Variants in VANGL1 observed in about 807,000 individuals in gnomAD.
VANGL1 encodes the protein vang-like protein 1.
VANGL1 carries 18 observed loss-of-function variants against 48.4 expected under a neutral mutation model. The ratio of observed to expected loss-of-function variants is 0.37; its 90% confidence interval spans 0.26 to 0.55. The LOEUF (loss-of-function observed/expected upper bound fraction) is 0.55. Among genes scored for constraint, VANGL1 ranks in the 20% least tolerant of loss-of-function variants. VANGL1 has a pLI of 0.81. For synonymous variants in VANGL1, 257 were observed against 261.8 expected (o/e 0.98, Z 0.18); for missense variants, 667 against 675.8 (o/e 0.99, Z 0.14).
At position 115,675,067 on chromosome 1, in the gene VANGL1, G is replaced by A. The variant is rs183133593; in HGVS notation, c.813-7297G>A. 3.9e-5 allele frequency among the ~76,000 whole-genome samples: 6 copies of A among 152,274 alleles called. No individual in the cohort carries two copies. In the East Asian group the frequency reaches 1.2e-3, roughly 29 times the overall value. ...GATTGTTTCCTTCAAGTATCTAAAA[G>A]GCTTTCACCAGCAAGGGGGACTTGG... On this transcript the variant is annotated intron_variant, in intron 4 of 7. Transcript: ENST00000355485.
chr1:115,659,901 C>G lies in VANGL1; in HGVS notation c.204+128C>G, dbSNP rs1026731832. On this transcript the variant is annotated intron_variant, in intron 3 of 7. Transcript: ENST00000355485. ...AGCATGCTAATTAGTTTATCTATGT[C>G]CCATGGTCTCTTGTTGGTCTAAGGA... 5.2e-5 allele frequency: 68 copies of G among 1,296,654 alleles called. No individual in the cohort carries two copies. In the South Asian group the frequency reaches 8.5e-4, roughly 16 times the overall value. The allele number at this position is 1,296,654 out of a possible 1,614,324, so 80.3% of individuals were successfully genotyped here. A position where few individuals can be genotyped will look rare whatever the true frequency, so the allele number is the denominator to read the frequency against.
chr1:115,686,474 G>A (rs529889164), intron 7 of VANGL1, among the ~76,000 whole-genome samples: 1 of 151,802 alleles, frequency 6.6e-6, no homozygotes, highest in South Asian at 2.1e-4. Flanking sequence ...TTTAAGAAGT[G>A]TTACAAGAAA....
At chr1:115,686,543 C>T (rs1206036257) in intron 7 of VANGL1, among the ~76,000 whole-genome samples, 2 of 152,052 alleles carry the variant, frequency 1.3e-5, no homozygotes, top group Non-Finnish European at 1.5e-5. Flanking sequence ...AAAGATACAG[C>T]AAATGACTTC....
rs1468225581 is a variant in VANGL1, at chr1:115,692,117, G to C, written c.*738G>C. The C allele has an allele frequency of 1.3e-5, 2 of 153,472 alleles. No homozygotes were observed. Among genetic ancestry groups the C allele is most frequent in the Non-Finnish European group, 2.9e-5 (2 of 68,766 alleles). 9.5% of individuals were successfully genotyped at this position (153,472 alleles called of 1,614,324 possible). On this transcript the variant is annotated 3_prime_UTR_variant, in exon 8 of 8. Coordinates refer to ENST00000355485, the MANE Select transcript of VANGL1 (RefSeq NM_138959.3). Reference sequence around the variant, plus strand: ...TGCCCCCACCTGGCTGGCAGCCCTGGCTCTCCATGTGTGCCCTCCGGCTCT... The same window carrying C: ...TGCCCCCACCTGGCTGGCAGCCCTGCCTCTCCATGTGTGCCCTCCGGCTCT...
rs1253428292 is a variant in VANGL1 at position 115,657,290 on chromosome 1, A to G, written c.72-2351A>G. Among the ~76,000 whole-genome samples, 3 of 152,280 alleles carry G rather than the reference A, an allele frequency of 2.0e-5. No individual in the cohort carries two copies. The East Asian group carries it at 5.8e-4, about 29-fold the overall frequency. On this transcript the variant is annotated intron_variant, in intron 2 of 7. Coordinates refer to ENST00000355485, the MANE Select transcript of VANGL1 (RefSeq NM_138959.3). ...AAGGGTGTGAGAATGAGCTTTAAGA[A>G]TATTTATGCCATGAAATCTTCCAAT...
At chr1:115,662,611 G>T (rs536389054) in intron 3 of VANGL1, among the ~76,000 whole-genome samples, 45 of 152,278 alleles carry the variant, frequency 3.0e-4, no homozygotes, top group African/African-American at 1.1e-3. Context: ...AATCCTGGTT[G>T]TTTCTATGCC....
chr1:115,663,162 C>T (rs1046436459), intron 3 of VANGL1, among the ~76,000 whole-genome samples: 19 of 152,178 alleles, frequency 1.2e-4, no homozygotes, highest in African/African-American at 2.9e-4. Flanking sequence ...TCCCTTGCTA[C>T]GCCCTTTGCT....
At position 115,690,467 on chromosome 1, in the gene VANGL1, A is replaced by T. The variant is rs571373588; in HGVS notation, c.1315-652A>T. Among the ~76,000 whole-genome samples the T allele has an allele frequency of 3.3e-5, 5 of 152,374 alleles. No homozygotes were observed. The East Asian group carries it at 9.6e-4, about 29-fold the overall frequency. On this transcript the variant is annotated intron_variant, in intron 7 of 7. Transcript: ENST00000355485. ...GGCCTGGGCATCCCCTGGACTGGCC[A>T]TGTGCACACTTAGCCCAACATGGAA...
intron 1 of VANGL1, among the ~76,000 whole-genome samples, chr1:115,643,332 G>A (rs1651804791): frequency 6.6e-6 from 1 of 152,188 alleles, no homozygotes; most frequent in Non-Finnish European, 1.5e-5. Context: ...ACAGCTCCCA[G>A]GCTCTGCAAG....
Position 115,651,300 on chromosome 1 carries a change from C to A in VANGL1, c.-114C>A. 1.2e-6 allele frequency: 1 copy of A among 846,114 alleles called. No individual in the cohort carries two copies. The highest frequency in any genetic ancestry group is 1.9e-6 in the Non-Finnish European group (1 of 515,456). 52.4% of individuals were successfully genotyped at this position (846,114 alleles called of 1,614,324 possible). On this transcript the variant is annotated 5_prime_UTR_variant, in exon 2 of 8. Transcript: ENST00000355485. ...AGAATTTGTTCCTGTTGAAGAGTGGCTCCTCTTCTAATTTCCAGACTCCTT... is the reference window on the plus strand; with the variant it reads ...AGAATTTGTTCCTGTTGAAGAGTGGATCCTCTTCTAATTTCCAGACTCCTT...
At chr1:115,655,053 C>T (rs569998227) in intron 2 of VANGL1, among the ~76,000 whole-genome samples, 6 of 152,176 alleles carry the variant, frequency 3.9e-5, no homozygotes, top group Admixed American at 3.9e-4. Context: ...AGAGGGCCGC[C>T]GGGGCAGTGA....
intron 2 of VANGL1, among the ~76,000 whole-genome samples, chr1:115,658,097 G>T (rs1652413384): frequency 6.6e-6 from 1 of 152,184 alleles, no homozygotes; most frequent in South Asian, 2.1e-4. Flanking sequence ...TATCTGAACT[G>T]TATCAGCAAT....
chr1:115,674,654 T>C (rs1042970559), intron 4 of VANGL1, among the ~76,000 whole-genome samples: 2 of 152,152 alleles, frequency 1.3e-5, no homozygotes, highest in Non-Finnish European at 1.5e-5. Context: ...ATTTTCCACG[T>C]GTGAAGAAAG....
chr1:115,659,505 C>G (rs984923234), intron 2 of VANGL1, 136 bp from the exon 3 acceptor site: 48 of 958,952 alleles, frequency 5.0e-5, no homozygotes, highest in Middle Eastern at 6.5e-4. Flanking sequence ...TTTTGATGCT[C>G]TGTGTGTGTG....
intron 4 of VANGL1, among the ~76,000 whole-genome samples, chr1:115,675,329 C>T (rs184201576): frequency 5.9e-5 from 9 of 152,158 alleles, no homozygotes; most frequent in Non-Finnish European, 1.3e-4. Context: ...GGTGAAACCC[C>T]GTCTCTACTA....
chr1:115,642,205 C>A (rs1460333817), intron 1 of VANGL1, 119 bp downstream of exon 1: 1 of 152,156 alleles, frequency 6.6e-6, no homozygotes, highest in Admixed American at 6.5e-5. Context: ...GCATTCGCCC[C>A]GCCGGACTTC....
chr1:115,686,021 A>G (rs575147613), intron 7 of VANGL1, among the ~76,000 whole-genome samples: 1 of 152,186 alleles, frequency 6.6e-6, no homozygotes, highest in Non-Finnish European at 1.5e-5. Context: ...AGGTCCTTAT[A>G]AAAAACAGCT....
chr1:115,676,143 T>C (rs1431964576), intron 4 of VANGL1, among the ~76,000 whole-genome samples: 2 of 152,184 alleles, frequency 1.3e-5, no homozygotes, highest in South Asian at 2.1e-4. Context: ...GTTGGTGTTA[T>C]CTCTTTATCA....
At chr1:115,672,957 T>G (rs1653036727) in intron 4 of VANGL1, among the ~76,000 whole-genome samples, 1 of 152,194 alleles carries the variant, frequency 6.6e-6, no homozygotes, top group African/African-American at 2.4e-5. Context: ...GATTTAGCTC[T>G]TACGGACTCT....
Sources: gnomAD v4.1 joint callset for allele counts (sites outside exome capture counted in the v4.1 genomes callset) on GRCh38, gnomAD v4.1.1 for gene constraint, MANE v1.5 for transcripts, NCBI Gene and HGNC (gene_info 2026-07-23, HGNC 2026-07-21) for gene names.